Variants in AMDHD2 observed in about 807,000 individuals in gnomAD.
AMDHD2 encodes N-acetylglucosamine-6-phosphate deacetylase.
Under a neutral mutation model 41.8 loss-of-function variants are expected in AMDHD2, and 24 were observed. The observed-to-expected ratio is 0.57, with a 90% CI of 0.42 to 0.81. AMDHD2 has a LOEUF of 0.81. Among genes scored for constraint, AMDHD2 ranks in the 30% least tolerant of loss-of-function variants. The pLI is 0.00. For missense variants in AMDHD2, 540 were observed against 588.5 expected, an observed-to-expected ratio of 0.92 and a Z score of 0.85; for synonymous variants, 332 against 255.5, an observed-to-expected ratio of 1.30 and a Z score of -2.85.
In AMDHD2 at chr16:2,527,216, C is replaced by T. The variant is rs2066015040; in HGVS notation, c.361-345C>T. ...CACAGTGCTGAGCCCTGGCCATGCC[C>T]ACACTGAGCTCTGCCCCAGGGTCCC... On this transcript the variant is annotated intron_variant, in intron 3 of 10. Transcript: ENST00000293971. This position sits in a 1 kb window ranked among gnomAD's most constrained non-coding sequence, Gnocchi z 6.1. The T allele has an allele frequency of 9.4e-6, 4 of 423,960 alleles. No homozygotes were observed. The highest frequency in any genetic ancestry group is 4.1e-5 in the African/African-American group (2 of 48,758). The allele number at this position is 423,960 out of a possible 1,614,324, so 26.3% of individuals were successfully genotyped here.
chr16:2,520,711 C>T, intron 1 of AMDHD2, 58 bp from the exon 2 acceptor site: 1 of 1,431,618 alleles, frequency 7.0e-7, no homozygotes, highest in Non-Finnish European at 9.1e-7. Flanking sequence ...GGGCGGGGTG[C>T]AGGGTGCGGG....
Position 2,520,871 on chromosome 16 carries a change from C to T in AMDHD2, c.186C>T (p.Ile62=), listed in dbSNP as rs1420442303. 3.1e-6 allele frequency: 5 copies of T among 1,609,648 alleles called. No individual in the cohort carries two copies. Among genetic ancestry groups the T allele is most frequent in the Admixed American group, 1.7e-5 (1 of 59,600 alleles). The change falls in exon 2 of 11, where the codon ATC becomes ATT. Residue 62 remains isoleucine (I), a synonymous_variant. Transcript: ENST00000293971. The stretch of plus-strand genomic sequence containing the variant: ...AGCGGCGGGACTGCGGGGGCCGCAT[C>T]TTGGCTCCCGGATTCATCGACGTGC... The part of the protein sequence containing the change: ...ADERRDCGGR[I]LAPGFIDVQI...
rs201217844 is a variant in AMDHD2 at position 2,527,803 on chromosome 16, G to C, written c.446G>C (p.Arg149Pro). 1 of 1,585,426 alleles carries C rather than the reference G, an allele frequency of 6.3e-7. No individual in the cohort carries two copies. The highest frequency in any genetic ancestry group is 1.1e-5 in the South Asian group (1 of 89,870). The change falls in exon 5 of 11, where the codon CGG becomes CCG. Residue 149 changes from arginine to proline, a missense_variant. Transcript: ENST00000293971. This position sits in a 1 kb window ranked among gnomAD's most constrained non-coding sequence, Gnocchi z 6.1. ...CACCTGGAGGGCCCCTTCATCAGCC[G>C]GGAGAAGCGGGGCGCGCACCCCGAG... ...GLHLEGPFISREKRGAHPEAH... is the reference protein window; with the variant it reads ...GLHLEGPFISPEKRGAHPEAH...
At position 2,530,166 on chromosome 16, in the gene AMDHD2, C is replaced by G. The variant is rs1350185527; in HGVS notation, c.*603C>G. On this transcript the variant is annotated 3_prime_UTR_variant, in exon 11 of 11. Transcript: ENST00000293971. ...AGACTGGGCCCGGGACCCCTGTTTT[C>G]TGCTCCCTGGACTGCCTAGCCCTGA... 1.5e-5 allele frequency: 22 copies of G among 1,453,004 alleles called. No homozygotes were observed. Among genetic ancestry groups the G allele is most frequent in the Non-Finnish European group, 2.0e-5 (22 of 1,100,904 alleles). 90.0% of individuals were successfully genotyped at this position (1,453,004 alleles called of 1,614,324 possible).
chr16:2,531,300 A>C lies in AMDHD2; in HGVS notation c.*1737A>C. ...GGGGCCCAGGGTCAGGGTGAGAGAG[A>C]GCTGGGCCAGGGAGCTGCTGCAGGA... On this transcript the variant is annotated 3_prime_UTR_variant, in exon 11 of 11. Transcript: ENST00000293971. 1.8e-6 allele frequency: 1 copy of C among 560,770 alleles called. No homozygotes were observed. Among genetic ancestry groups the C allele is most frequent in the Non-Finnish European group, 3.2e-6 (1 of 310,196 alleles). The allele number at this position is 560,770 out of a possible 1,614,324, so 34.7% of individuals were successfully genotyped here.
At chr16:2,522,948 A>G (rs1021455634) in intron 3 of AMDHD2, among the ~76,000 whole-genome samples, 5 of 148,960 alleles carry the variant, frequency 3.4e-5, no homozygotes, top group African/African-American at 5.0e-5. Flanking sequence ...GGTTCAAGCG[A>G]TTCTCCTGCC....
rs1350185527 is a variant in AMDHD2, at chr16:2,530,166, C to T, written c.*603C>T. On this transcript the variant is annotated 3_prime_UTR_variant, in exon 11 of 11. Transcript: ENST00000293971. Reference sequence around the variant, plus strand: ...AGACTGGGCCCGGGACCCCTGTTTTCTGCTCCCTGGACTGCCTAGCCCTGA... The same window carrying T: ...AGACTGGGCCCGGGACCCCTGTTTTTTGCTCCCTGGACTGCCTAGCCCTGA... The T allele has an allele frequency of 1.4e-6, 2 of 1,452,886 alleles. No homozygotes were observed. The highest frequency in any genetic ancestry group is 1.8e-6 in the Non-Finnish European group (2 of 1,100,912). The allele number at this position is 1,452,886 out of a possible 1,614,324, so 90.0% of individuals were successfully genotyped here. A position where few individuals can be genotyped will look rare whatever the true frequency, so the allele number is the denominator to read the frequency against.
rs533114416 is a variant in AMDHD2 at position 2,521,177 on chromosome 16, C to T, written c.360+54C>T. 15 of 1,491,986 alleles carry T rather than the reference C, an allele frequency of 1.0e-5. No individual in the cohort carries two copies. The Admixed American group carries it at 1.8e-4, about 18-fold the overall frequency. The allele number at this position is 1,491,986 out of a possible 1,614,324, so 92.4% of individuals were successfully genotyped here. A position where few individuals can be genotyped will look rare whatever the true frequency, so the allele number is the denominator to read the frequency against. ...AGGGGGCTCCCGGAGCAACCAGCGC[C>T]CTCATTTTCAAACTCACGCCCCACC... On this transcript the variant is annotated intron_variant, in intron 3 of 10. Coordinates refer to ENST00000293971, the MANE Select transcript of AMDHD2 (RefSeq NM_001330449.2).
chr16:2,530,241 C>T lies in AMDHD2; in HGVS notation c.*678C>T. The T allele has an allele frequency of 6.3e-7, 1 of 1,597,528 alleles. No homozygotes were observed. The highest frequency in any genetic ancestry group is 8.5e-7 in the Non-Finnish European group (1 of 1,172,362). ...TTTTCTCTTCTCAATAACCCTATCT[C>T]TTCACACATCCCCAGGCCCAGTGCT... is the stretch of plus-strand genomic sequence containing the variant. On this transcript the variant is annotated 3_prime_UTR_variant, in exon 11 of 11. Transcript: ENST00000293971.
At chr16:2,524,896 C>T (rs1394287712) in intron 3 of AMDHD2, among the ~76,000 whole-genome samples, 2 of 151,776 alleles carry the variant, frequency 1.3e-5, no homozygotes, top group Non-Finnish European at 2.9e-5. Context: ...ATGAGAATAC[C>T]TGTGTAGGTC....
At chr16:2,522,452 C>T (rs964347650) in intron 3 of AMDHD2, among the ~76,000 whole-genome samples, 4 of 152,008 alleles carry the variant, frequency 2.6e-5, no homozygotes, top group African/African-American at 7.2e-5. Flanking sequence ...CCGAGGCAGG[C>T]GGACCACGAA....
Position 2,530,336 on chromosome 16 carries a change from C to A in AMDHD2, c.*773C>A, listed in dbSNP as rs765585284. 4.3e-6 allele frequency: 7 copies of A among 1,614,044 alleles called. No individual in the cohort carries two copies. Among genetic ancestry groups the A allele is most frequent in the Non-Finnish European group, 5.9e-6 (7 of 1,180,028 alleles). On this transcript the variant is annotated 3_prime_UTR_variant, in exon 11 of 11. Transcript: ENST00000293971. ...AGGCACCAGTGTGCCCTGCTCACCC[C>A]ATTAGTGTCATCCTGCCATCTTCTG... is the stretch of plus-strand genomic sequence containing the variant.
chr16:2,531,278 GC>G lies in AMDHD2; in HGVS notation c.*1718del. 1 of 625,068 alleles carries G rather than the reference GC, an allele frequency of 1.6e-6. No homozygotes were observed. Among genetic ancestry groups the G allele is most frequent in the Non-Finnish European group, 2.8e-6 (1 of 357,782 alleles). The allele number at this position is 625,068 out of a possible 1,614,324, so 38.7% of individuals were successfully genotyped here. The stretch of plus-strand genomic sequence containing the variant: ...GCTAGCCCTGGGTGGTGGGAGAGGG[GC>G]CCAGGGTCAGGGTGAGAGAGAGCTG... On this transcript the variant is annotated 3_prime_UTR_variant, in exon 11 of 11. Coordinates refer to ENST00000293971, the MANE Select transcript of AMDHD2 (RefSeq NM_001330449.2).
In AMDHD2 at chr16:2,521,058, C is replaced by G. The variant is rs781288277; in HGVS notation, c.295C>G (p.Leu99Val). 1.2e-6 allele frequency: 2 copies of G among 1,611,084 alleles called. No homozygotes were observed. The highest frequency in any genetic ancestry group is 8.5e-7 in the Non-Finnish European group (1 of 1,178,412). Residue 99 changes from leucine (L) to valine (V), a missense_variant, in exon 3 of 11, where the codon CTG becomes GTG. Transcript: ENST00000293971. ...SGVALVARRI[L>V]SHGVTSFCPT... ...GGTTGCCCTCGTGGCCCGGAGGATC[C>G]TGTCGCACGGCGTCACCTCCTTCTG... is the stretch of plus-strand genomic sequence containing the variant.
rs1172393363 is a variant in AMDHD2, at chr16:2,528,151, G to A, written c.717+3G>A. 2 of 1,612,980 alleles carry A rather than the reference G, an allele frequency of 1.2e-6. No homozygotes were observed. The highest frequency in any genetic ancestry group is 1.7e-5 in the Admixed American group (1 of 60,010). ...ACCTCTTCAACGCCATGCTGCCTGT[G>A]AGTGCTATGGGGCCCCAGGGGCGGG... On this transcript the variant is annotated splice_donor_region_variant and intron_variant, in intron 6 of 10. Transcript: ENST00000293971.
chr16:2,524,842 C>T (rs1341734710), intron 3 of AMDHD2, among the ~76,000 whole-genome samples: 1 of 152,010 alleles, frequency 6.6e-6, no homozygotes, highest in Non-Finnish European at 1.5e-5. Context: ...CCTCTTAGCC[C>T]CTTTCTCTCC....
Position 2,527,486 on chromosome 16 carries a change from C to T in AMDHD2, c.361-75C>T. On this transcript the variant is annotated intron_variant, in intron 3 of 10. Transcript: ENST00000293971. The surrounding 1 kb of genome is among the most constrained non-coding windows in gnomAD (Gnocchi z 6.1). ...TGGGCTCTGAACTCTGACCTGAGAT[C>T]TCTGGCCTTGGCTAGGCTGTGGCCT... The T allele has an allele frequency of 6.6e-7, 1 of 1,526,100 alleles. No homozygotes were observed. The highest frequency in any genetic ancestry group is 8.9e-7 in the Non-Finnish European group (1 of 1,117,394). 94.5% of individuals were successfully genotyped at this position (1,526,100 alleles called of 1,614,324 possible).
At chr16:2,523,093 C>G (rs2065962705) in intron 3 of AMDHD2, among the ~76,000 whole-genome samples, 1 of 152,186 alleles carries the variant, frequency 6.6e-6, no homozygotes, top group Non-Finnish European at 1.5e-5. Flanking sequence ...CTGCCCATCT[C>G]AGCCTCCCAA....
At position 2,528,642 on chromosome 16, in the gene AMDHD2, C is replaced by T. The variant is rs1367506276; in HGVS notation, c.971-8C>T. 1.2e-6 allele frequency: 2 copies of T among 1,613,040 alleles called. No individual in the cohort carries two copies. Among genetic ancestry groups the T allele is most frequent in the Non-Finnish European group, 1.7e-6 (2 of 1,179,948 alleles). On this transcript the variant is annotated splice_polypyrimidine_tract_variant and splice_region_variant and intron_variant, in intron 8 of 10. Transcript: ENST00000293971. ...ACCCCCCCAGAGCCTGCCCTCTCTG[C>T]TCTCAAGGCACCAAGACGCTGAGTG... is the stretch of plus-strand genomic sequence containing the variant.
Sources: gnomAD v4.1 joint callset for allele counts (sites outside exome capture counted in the v4.1 genomes callset) on GRCh38, gnomAD v4.1.1 for gene constraint, Gnocchi (gnomAD v3.1) non-coding constraint, MANE v1.5 for transcripts, NCBI Gene and HGNC (gene_info 2026-07-23, HGNC 2026-07-21) for gene names.